Variants in CCSER2 observed in about 807,000 individuals in gnomAD.
The protein encoded by CCSER2 is coiled-coil serine rich protein 2, also known as serine-rich coiled-coil domain-containing protein 2.
A neutral mutation model predicts 92.3 loss-of-function variants in CCSER2; 46 were observed. The observed-to-expected ratio is 0.50, with a 90% confidence interval of 0.39 to 0.64. CCSER2 has a LOEUF of 0.64. CCSER2 is among the 30% of genes least tolerant of loss of function. The pLI is 0.00. For synonymous variants in CCSER2, 433 were observed against 431.4 expected (o/e 1.00, Z -0.04); for missense variants, 1,244 against 1,238.9 (o/e 1.00, Z -0.06).
chr10:84,457,376 AT>A (rs1360316160), intron 6 of CCSER2, among the ~76,000 whole-genome samples: 5 of 95,718 alleles, frequency 5.2e-5, no homozygotes, highest in South Asian at 2.7e-4. Context: ...TTAAATATAT[AT>A]TTTAAATATA....
intron 3 of CCSER2, among the ~76,000 whole-genome samples, chr10:84,378,560 G>C (rs540737537): frequency 6.6e-6 from 1 of 150,546 alleles, no homozygotes. Context: ...TCAGCCTCCC[G>C]AGTAGCTGGG....
chr10:84,406,767 CAG>C (rs547382936), intron 3 of CCSER2, among the ~76,000 whole-genome samples: 73 of 152,310 alleles, frequency 4.8e-4, no homozygotes, highest in Non-Finnish European at 7.1e-4. Flanking sequence ...CCACAACAAA[CAG>C]GGAATAGAAA....
intron 3 of CCSER2, among the ~76,000 whole-genome samples, chr10:84,411,826 C>T (rs1013958378): frequency 6.6e-6 from 1 of 152,148 alleles, no homozygotes; most frequent in Admixed American, 6.5e-5. Context: ...ATTGCCCTGG[C>T]CAGAACTTCC....
chr10:84,354,495 TTTTA>T (rs1845048426), intron 1 of CCSER2, among the ~76,000 whole-genome samples: 1 of 152,080 alleles, frequency 6.6e-6, no homozygotes, highest in South Asian at 2.1e-4. Context: ...CAAATTACTT[TTTTA>T]TTTCTCTTCT....
At chr10:84,336,164 C>T (rs1354192286) in intron 1 of CCSER2, among the ~76,000 whole-genome samples, 1 of 152,130 alleles carries the variant, frequency 6.6e-6, no homozygotes, top group African/African-American at 2.4e-5. Context: ...CATGTTTTTC[C>T]AGGACTTGAG....
rs1156980262 is a variant in CCSER2, at chr10:84,516,697, T to G, written c.*2430T>G. The stretch of plus-strand genomic sequence containing the variant: ...CATAAAAATGTTGACTCCAGTAATT[T>G]ATTTTTCTCTATTTTTTCCTCCATG... On this transcript the variant is annotated 3_prime_UTR_variant, in exon 10 of 10. Coordinates refer to ENST00000372088, the MANE Select transcript of CCSER2 (RefSeq NM_001284240.2). The G allele has an allele frequency of 6.6e-6, 1 of 152,180 alleles. No individual in the cohort carries two copies. Among genetic ancestry groups the G allele is most frequent in the African/African-American group, 2.4e-5 (1 of 41,438 alleles). 9.4% of individuals were successfully genotyped at this position (152,180 alleles called of 1,614,324 possible). A position where few individuals can be genotyped will look rare whatever the true frequency, so the allele number is the denominator to read the frequency against.
At chr10:84,384,778 A>G (rs899700540) in intron 3 of CCSER2, among the ~76,000 whole-genome samples, 1 of 152,202 alleles carries the variant, frequency 6.6e-6, no homozygotes, top group South Asian at 2.1e-4. Flanking sequence ...CAGGCAAGAG[A>G]AAGAAGTAAA....
intron 9 of CCSER2, among the ~76,000 whole-genome samples, chr10:84,502,633 A>G (rs1166821909): frequency 6.6e-6 from 1 of 151,962 alleles, no homozygotes; most frequent in Admixed American, 6.5e-5. Flanking sequence ...GGCCTCCCAA[A>G]GTGCTGGGAT....
At chr10:84,336,597 T>C (rs983436762) in intron 1 of CCSER2, among the ~76,000 whole-genome samples, 2 of 152,190 alleles carry the variant, frequency 1.3e-5, no homozygotes, top group African/African-American at 4.8e-5. Context: ...TTGCTTGACC[T>C]GTTCTAGGAG....
At chr10:84,500,553 T>C (rs1848669416) in intron 9 of CCSER2, among the ~76,000 whole-genome samples, 1 of 152,246 alleles carries the variant, frequency 6.6e-6, no homozygotes, top group Non-Finnish European at 1.5e-5. Context: ...ATATGCATGG[T>C]TTACTAACAT....
At chr10:84,415,414 T>A (rs1245307107) in intron 3 of CCSER2, among the ~76,000 whole-genome samples, 2 of 152,250 alleles carry the variant, frequency 1.3e-5, no homozygotes, top group Non-Finnish European at 2.9e-5. Context: ...TCCAAAGGGC[T>A]GCTGGGGTTT....
intron 1 of CCSER2, among the ~76,000 whole-genome samples, chr10:84,333,102 TTTAG>T (rs1296070567): frequency 1.3e-5 from 2 of 152,214 alleles, no homozygotes; most frequent in Non-Finnish European, 2.9e-5. Flanking sequence ...TATGGTAAGT[TTTAG>T]TTAAACTAAC....
At chr10:84,475,492 G>C (rs575333288) in intron 8 of CCSER2, among the ~76,000 whole-genome samples, 3 of 152,126 alleles carry the variant, frequency 2.0e-5, no homozygotes, top group East Asian at 3.9e-4. Flanking sequence ...TGCTACTTAG[G>C]ATTTTTTGAT....
chr10:84,345,292 T>C (rs1021017861), intron 1 of CCSER2, among the ~76,000 whole-genome samples: 5 of 152,162 alleles, frequency 3.3e-5, no homozygotes, highest in African/African-American at 1.2e-4. Context: ...TTAAGGGAAC[T>C]AGGAGAATTG....
At chr10:84,502,790 G>A (rs546745464) in intron 9 of CCSER2, among the ~76,000 whole-genome samples, 38 of 152,162 alleles carry the variant, frequency 2.5e-4, no homozygotes, top group African/African-American at 8.7e-4. Flanking sequence ...TTTAAGTTAC[G>A]GAAGTATAGT....
In CCSER2 at chr10:84,360,950, T is replaced by A. The variant is rs565184316; in HGVS notation, c.-39-10064T>A. Among the ~76,000 whole-genome samples the A allele has an allele frequency of 1.4e-4, 21 of 152,342 alleles. No homozygotes were observed. In the South Asian group the frequency reaches 4.3e-3, roughly 32 times the overall value. ...ACTGAACATTTCTCCCATTCCATTC[T>A]GTTTCCTCCACATGCACTGGATTTT... On this transcript the variant is annotated intron_variant, in intron 1 of 9. Coordinates refer to ENST00000372088, the MANE Select transcript of CCSER2 (RefSeq NM_001284240.2).
At chr10:84,506,796 A>AAAATAAGTAAAT (rs1849073513) in intron 9 of CCSER2, among the ~76,000 whole-genome samples, 3 of 147,884 alleles carry the variant, frequency 2.0e-5, no homozygotes, top group African/African-American at 7.6e-5. Flanking sequence ...CTCCATCTCA[A>AAAATAAGTAAAT]AAATAAATAA....
In CCSER2 at chr10:84,358,762, T is replaced by C. The variant is rs549465935; in HGVS notation, c.-39-12252T>C. On this transcript the variant is annotated intron_variant, in intron 1 of 9. Coordinates refer to ENST00000372088, the MANE Select transcript of CCSER2 (RefSeq NM_001284240.2). ...TGTGATTGCCTCAACTATTCCCTCC[T>C]CCACCATCTCCACTCTTTTCAGGTA... Among the ~76,000 whole-genome samples the C allele has an allele frequency of 2.2e-3, 328 of 151,010 alleles. 1 individual carries two copies. The highest frequency in any genetic ancestry group is 7.6e-3 in the African/African-American group (317 of 41,476).
chr10:84,358,678 A>G lies in CCSER2; in HGVS notation c.-39-12336A>G, dbSNP rs1369800971. 2.0e-5 allele frequency among the ~76,000 whole-genome samples: 3 copies of G among 148,916 alleles called. No homozygotes were observed. The East Asian group carries it at 5.8e-4, about 29-fold the overall frequency. ...TATATATACATATACATATATGTATATATATATACACACACACACGTGTAT... is the reference window on the plus strand; with the variant it reads ...TATATATACATATACATATATGTATGTATATATACACACACACACGTGTAT... On this transcript the variant is annotated intron_variant, in intron 1 of 9. Coordinates refer to ENST00000372088, the MANE Select transcript of CCSER2 (RefSeq NM_001284240.2).
Sources: allele counts gnomAD v4.1 joint callset (sites outside exome capture counted in the v4.1 genomes callset), GRCh38; gene constraint gnomAD v4.1.1; transcripts MANE v1.5; gene names NCBI Gene and HGNC (gene_info 2026-07-23, HGNC 2026-07-21).